The following FIGNL2 variants were observed in gnomAD, a reference collection of about 807,000 sequenced individuals.
FIGNL2 encodes the protein fidgetin-like protein 2.
For synonymous variants in FIGNL2, 565 were observed against 484.0 expected (o/e 1.17, Z -2.20); for missense variants, 1,060 against 950.2 (o/e 1.12, Z -1.52).
At chr12:51,834,131 G>GGACA (rs1592192473) in intron 1 of FIGNL2, among the ~76,000 whole-genome samples, 45 of 37,180 alleles carry the variant, frequency 1.2e-3, no homozygotes, top group East Asian at 3.6e-3. Flanking sequence ...ATGGATGGAT[G>GGACA]GATGGATGGA....
chr12:51,836,948 C>T (rs1033804708), intron 1 of FIGNL2, among the ~76,000 whole-genome samples: 1 of 152,156 alleles, frequency 6.6e-6, no homozygotes, highest in Non-Finnish European at 1.5e-5. Context: ...AGAAACCCCC[C>T]TCCTGTGGTC....
chr12:51,841,107 G>A (rs529401779), intron 1 of FIGNL2, among the ~76,000 whole-genome samples: 1 of 152,168 alleles, frequency 6.6e-6, no homozygotes, highest in Non-Finnish European at 1.5e-5. Context: ...CCCAGCCCTG[G>A]GGGGGCTGAG....
rs1248514825 is a variant in FIGNL2 at position 51,848,527 on chromosome 12, C to T, written c.-12+13G>A. The T allele has an allele frequency of 9.1e-6, 9 of 984,794 alleles. No individual in the cohort carries two copies. Among genetic ancestry groups the T allele is most frequent in the African/African-American group, 8.7e-5 (5 of 57,162 alleles). 61.0% of individuals were successfully genotyped at this position (984,794 alleles called of 1,614,324 possible). Reference sequence around the variant, plus strand: ...TCCCCCCGCCCCATCCCGGCCCGCCCGCGGCCCCGTACCTCGGCATCACGG... The same window carrying T: ...TCCCCCCGCCCCATCCCGGCCCGCCTGCGGCCCCGTACCTCGGCATCACGG... On this transcript the variant is annotated intron_variant, in intron 1 of 1. Transcript: ENST00000618634.
At chr12:51,822,743 C>T (rs1424055952) in intron 1 of FIGNL2, among the ~76,000 whole-genome samples, 1 of 152,222 alleles carries the variant, frequency 6.6e-6, no homozygotes, top group Non-Finnish European at 1.5e-5. Flanking sequence ...CTTTGCAGGA[C>T]ACGTGATCCT....
In FIGNL2 at chr12:51,820,363, G is replaced by T; in HGVS notation, c.*89C>A. ...TCCCACATTCACCACTCCAGCCCCT[G>T]CCAGCCGGGTTTAGTCAGTGACATC... is the stretch of plus-strand genomic sequence containing the variant. On this transcript the variant is annotated 3_prime_UTR_variant, in exon 2 of 2. Transcript: ENST00000618634. 1.3e-6 allele frequency: 2 copies of T among 1,501,950 alleles called. No homozygotes were observed. Among genetic ancestry groups the T allele is most frequent in the South Asian group, 1.2e-5 (1 of 81,384 alleles). 93.0% of individuals were successfully genotyped at this position (1,501,950 alleles called of 1,614,324 possible). A position where few individuals can be genotyped will look rare whatever the true frequency, so the allele number is the denominator to read the frequency against.
intron 1 of FIGNL2, among the ~76,000 whole-genome samples, chr12:51,833,302 C>T (rs568424099): frequency 2.6e-5 from 4 of 152,292 alleles, no homozygotes; most frequent in African/African-American, 9.6e-5. Flanking sequence ...TAGCCTCCTT[C>T]CTTGGCCTCC....
intron 1 of FIGNL2, among the ~76,000 whole-genome samples, chr12:51,835,986 T>C (rs1939572976): frequency 6.6e-6 from 1 of 152,048 alleles, no homozygotes; most frequent in Non-Finnish European, 1.5e-5. Context: ...AATTGTTGTA[T>C]TTTTAGTATA....
At chr12:51,826,640 CAAAAAA>C (rs4025910) in intron 1 of FIGNL2, among the ~76,000 whole-genome samples, 17 of 104,370 alleles carry the variant, frequency 1.6e-4, no homozygotes, top group South Asian at 3.4e-4. Flanking sequence ...ACTCCCATCT[CAAAAAA>C]AAAAAAAAAA....
intron 1 of FIGNL2, chr12:51,841,941 G>T (rs1939669912): frequency 6.6e-6 from 1 of 152,326 alleles, no homozygotes; most frequent in South Asian, 2.1e-4. Context: ...CCCCATCTGA[G>T]AACACGTGAG....
At chr12:51,840,173 GCCGCCATGGA>G (rs1228054178) in intron 1 of FIGNL2, among the ~76,000 whole-genome samples, 2 of 152,198 alleles carry the variant, frequency 1.3e-5, no homozygotes, top group African/African-American at 4.8e-5. Context: ...CTCAGTGGAG[GCCGCCATGGA>G]CTGTCCTCTG....
In FIGNL2 at chr12:51,820,256, C is replaced by T. The variant is rs1275410315; in HGVS notation, c.*196G>A. On this transcript the variant is annotated 3_prime_UTR_variant, in exon 2 of 2. Transcript: ENST00000618634. ...AAATAGGAAAAACCTGAGTACACGG[C>T]GCATATGGCATCTGCCTGGCAGAAG... 1.0e-5 allele frequency: 7 copies of T among 685,694 alleles called. No homozygotes were observed. The highest frequency in any genetic ancestry group is 1.9e-5 in the South Asian group (1 of 51,962). The allele number at this position is 685,694 out of a possible 1,614,324, so 42.5% of individuals were successfully genotyped here. A position where few individuals can be genotyped will look rare whatever the true frequency, so the allele number is the denominator to read the frequency against.
chr12:51,824,673 C>T (rs1220043136), intron 1 of FIGNL2, among the ~76,000 whole-genome samples: 2 of 152,174 alleles, frequency 1.3e-5, no homozygotes, highest in Non-Finnish European at 2.9e-5. Flanking sequence ...AGAGGCATTA[C>T]CTGGTGTGAA....
At chr12:51,838,202 G>A (rs2138997110) in intron 1 of FIGNL2, among the ~76,000 whole-genome samples, 1 of 152,346 alleles carries the variant, frequency 6.6e-6, no homozygotes, top group East Asian at 1.9e-4. Flanking sequence ...CCTGGGGGAA[G>A]AAAGGAGTAA....
intron 1 of FIGNL2, among the ~76,000 whole-genome samples, chr12:51,833,685 C>T (rs1252200090): frequency 6.6e-6 from 1 of 152,222 alleles, no homozygotes; most frequent in Non-Finnish European, 1.5e-5. Flanking sequence ...TGGGCTTGCA[C>T]CCTGCCTAGC....
intron 1 of FIGNL2, chr12:51,848,212 A>C (rs1939793781): frequency 1.0e-6 from 1 of 980,540 alleles, no homozygotes; most frequent in Admixed American, 6.3e-5. Flanking sequence ...CCCCACCCCC[A>C]GGCCAGCAGA....
intron 1 of FIGNL2, among the ~76,000 whole-genome samples, chr12:51,825,550 C>T (rs905196910): frequency 6.6e-6 from 1 of 152,090 alleles, no homozygotes; most frequent in Non-Finnish European, 1.5e-5. Context: ...TTCATACCCA[C>T]GAAGTCTCCT....
intron 1 of FIGNL2, chr12:51,841,480 T>C (rs891397808): frequency 2.6e-5 from 4 of 152,246 alleles, no homozygotes; most frequent in African/African-American, 9.6e-5. Context: ...GATACTTCTC[T>C]GCCTGCCACA....
At chr12:51,827,390 GT>G (rs35274727) in intron 1 of FIGNL2, among the ~76,000 whole-genome samples, 145 of 142,150 alleles carry the variant, frequency 1.0e-3, no homozygotes, top group East Asian at 1.8e-3. Context: ...ATTTCTATTT[GT>G]TTTTTTTTTT....
chr12:51,845,460 GC>G (rs35845683), intron 1 of FIGNL2: 512,458 of 938,294 alleles, frequency 0.55, 133,639 homozygotes, highest in African/African-American at 0.63. Context: ...GTGGCTCACC[GC>G]CCCCCCCCCA....
Sources: allele counts gnomAD v4.1 joint callset (sites outside exome capture counted in the v4.1 genomes callset), GRCh38; gene constraint gnomAD v4.1.1; transcripts MANE v1.5; gene names NCBI Gene and HGNC (gene_info 2026-07-23, HGNC 2026-07-21).